The following PKIG variants were observed in gnomAD, a reference collection of about 807,000 sequenced individuals.
The protein encoded by PKIG is cAMP-dependent protein kinase inhibitor gamma.
A neutral mutation model predicts 6.8 loss-of-function variants in PKIG; 1 was observed. The ratio of observed to expected loss-of-function variants is 0.15; its 90% CI spans 0.05 to 0.69. The LOEUF (loss-of-function observed/expected upper bound fraction) is 0.69, where lower values mean the gene tolerates loss of function less well. Among genes scored for constraint, PKIG ranks in the 30% least tolerant of loss-of-function variants. PKIG has a pLI of 0.82. For synonymous variants in PKIG, 39 were observed against 43.0 expected, an observed-to-expected ratio of 0.91 and a Z score of 0.36; for missense variants, 77 against 104.0, an observed-to-expected ratio of 0.74 and a Z score of 1.13.
intron 2 of PKIG, among the ~76,000 whole-genome samples, chr20:44,611,335 T>G (rs912189740): frequency 1.3e-5 from 2 of 151,998 alleles, no homozygotes; most frequent in Non-Finnish European, 2.9e-5. Flanking sequence ...ATTATAGGCA[T>G]GAGCCACCGC....
At chr20:44,542,455 T>A (rs1259635475) in intron 1 of PKIG, among the ~76,000 whole-genome samples, 1 of 152,178 alleles carries the variant, frequency 6.6e-6, no homozygotes, top group Admixed American at 6.5e-5. Context: ...TGATTTTCAG[T>A]GTCAGTTAAG....
At chr20:44,539,882 A>G (rs2064545494) in intron 1 of PKIG, among the ~76,000 whole-genome samples, 2 of 151,756 alleles carry the variant, frequency 1.3e-5, no homozygotes, top group Non-Finnish European at 2.9e-5. Context: ...TTTGCCATTT[A>G]TTTGTTTAAA....
At chr20:44,559,404 G>T (rs923973953) in intron 1 of PKIG, among the ~76,000 whole-genome samples, 1 of 152,046 alleles carries the variant, frequency 6.6e-6, no homozygotes, top group Non-Finnish European at 1.5e-5. Flanking sequence ...AAACCTTTTG[G>T]CTTTGAGTAA....
At chr20:44,584,418 C>T (rs1253810273) in intron 1 of PKIG, among the ~76,000 whole-genome samples, 1 of 151,408 alleles carries the variant, frequency 6.6e-6, no homozygotes, top group African/African-American at 2.4e-5. Context: ...CCTCTATTTG[C>T]CCCTCTTTCA....
chr20:44,596,946 C>T (rs1336506973), intron 2 of PKIG, among the ~76,000 whole-genome samples: 1 of 152,206 alleles, frequency 6.6e-6, no homozygotes. Flanking sequence ...CACCTCCTCT[C>T]CCATTCACTG....
chr20:44,564,541 T>C (rs954491403), intron 1 of PKIG, among the ~76,000 whole-genome samples: 7 of 152,148 alleles, frequency 4.6e-5, no homozygotes, highest in Admixed American at 2.6e-4. Flanking sequence ...AATTGTGATA[T>C]AGTGTTGAGT....
intron 1 of PKIG, among the ~76,000 whole-genome samples, chr20:44,532,874 G>C (rs1251458297): frequency 1.3e-5 from 2 of 152,142 alleles, no homozygotes; most frequent in Non-Finnish European, 2.9e-5. Flanking sequence ...GACTTCTTGG[G>C]AATCTGCAAG....
intron 2 of PKIG, among the ~76,000 whole-genome samples, chr20:44,607,375 A>ATTTTTTTT (rs1484119006): frequency 9.4e-6 from 1 of 106,250 alleles, no homozygotes; most frequent in Non-Finnish European, 1.8e-5. Flanking sequence ...ATATATATAT[A>ATTTTTTTT]TATTTTTTTT....
intron 1 of PKIG, among the ~76,000 whole-genome samples, chr20:44,587,538 G>A (rs1395443447): frequency 6.6e-6 from 1 of 152,168 alleles, no homozygotes; most frequent in Non-Finnish European, 1.5e-5. Flanking sequence ...AGGGACGGGT[G>A]ACTTTTGTAG....
intron 1 of PKIG, among the ~76,000 whole-genome samples, chr20:44,574,022 C>T (rs2064875345): frequency 6.6e-6 from 1 of 152,160 alleles, no homozygotes; most frequent in South Asian, 2.1e-4. Context: ...CTCCTGCTTA[C>T]CCCTCACCCT....
intron 1 of PKIG, among the ~76,000 whole-genome samples, chr20:44,576,048 TG>T (rs2064894376): frequency 6.6e-6 from 1 of 152,144 alleles, no homozygotes; most frequent in Non-Finnish European, 1.5e-5. Context: ...TGAAATCCCT[TG>T]TTCTCTAATG....
At chr20:44,596,406 G>A (rs1467104695) in intron 2 of PKIG, among the ~76,000 whole-genome samples, 19 of 152,346 alleles carry the variant, frequency 1.2e-4, no homozygotes, top group African/African-American at 4.3e-4. Context: ...CAGGGGGCTG[G>A]CATTCCCATG....
At chr20:44,564,847 A>C (rs1473783619) in intron 1 of PKIG, among the ~76,000 whole-genome samples, 1 of 152,256 alleles carries the variant, frequency 6.6e-6, no homozygotes, top group Non-Finnish European at 1.5e-5. Flanking sequence ...ATATAGGAGA[A>C]AACAGACCTT....
At chr20:44,575,971 C>G (rs1049871886) in intron 1 of PKIG, among the ~76,000 whole-genome samples, 2 of 152,176 alleles carry the variant, frequency 1.3e-5, no homozygotes, top group African/African-American at 4.8e-5. Flanking sequence ...TGTCCTTGTG[C>G]TCCAAACTTC....
intron 2 of PKIG, among the ~76,000 whole-genome samples, chr20:44,606,648 A>C (rs2065165884): frequency 6.6e-6 from 1 of 152,188 alleles, no homozygotes; most frequent in Admixed American, 6.5e-5. Flanking sequence ...ATCTCTCCCA[A>C]AAATATAAAA....
At chr20:44,586,327 C>G (rs2064990030) in intron 1 of PKIG, among the ~76,000 whole-genome samples, 1 of 152,232 alleles carries the variant, frequency 6.6e-6, no homozygotes, top group South Asian at 2.1e-4. Flanking sequence ...CAGGCATCTG[C>G]CCCCTCAGAC....
chr20:44,534,233 C>T (rs1421136044), intron 1 of PKIG, among the ~76,000 whole-genome samples: 1 of 152,154 alleles, frequency 6.6e-6, no homozygotes, highest in African/African-American at 2.4e-5. Context: ...GATAGTATAA[C>T]TTTCCTGAGA....
chr20:44,607,377 A>ATATT (rs1414609234), intron 2 of PKIG, among the ~76,000 whole-genome samples: 6 of 94,256 alleles, frequency 6.4e-5, no homozygotes, highest in African/African-American at 1.4e-4. Flanking sequence ...ATATATATAT[A>ATATT]TTTTTTTTTT....
chr20:44,618,168 G>A lies in PKIG; in HGVS notation c.152-117G>A, dbSNP rs113208950. The A allele has an allele frequency of 1.7e-3, 1,204 of 726,840 alleles. 2 individuals are homozygous for A. The highest frequency in any genetic ancestry group is 2.8e-3 in the Non-Finnish European group (1,090 of 395,626). The allele number at this position is 726,840 out of a possible 1,614,324, so 45.0% of individuals were successfully genotyped here. ...CACCACCTCAGTCCAGCTCCAGCTC[G>A]TCTTGCTCCCCAGGGCATATCCACT... On this transcript the variant is annotated intron_variant, in intron 3 of 3. Transcript: ENST00000372886.
Sources: gnomAD v4.1 joint callset for allele counts (sites outside exome capture counted in the v4.1 genomes callset) on GRCh38, gnomAD v4.1.1 for gene constraint, MANE v1.5 for transcripts, NCBI Gene and HGNC (gene_info 2026-07-23, HGNC 2026-07-21) for gene names.